Variants in SRSF11 observed in about 807,000 individuals in gnomAD.
SRSF11 encodes serine and arginine rich splicing factor 11, also known as serine/arginine-rich splicing factor 11.
In SRSF11, 9 loss-of-function variants were observed where a neutral mutation model predicts 56.0. That is an observed-to-expected ratio of 0.16 (90% confidence interval 0.10 to 0.28). The LOEUF (loss-of-function observed/expected upper bound fraction) is 0.28. Ranked by LOEUF, SRSF11 falls within the 10% of genes least tolerant of loss-of-function variation. SRSF11 has a pLI of 1.00. For missense variants in SRSF11, 421 were observed against 600.7 expected, an observed-to-expected ratio of 0.70 and a Z score of 3.13; for synonymous variants, 222 against 215.3, an observed-to-expected ratio of 1.03 and a Z score of -0.27.
At chr1:70,245,213 A>AT (rs1558223271) in intron 8 of SRSF11, among the ~76,000 whole-genome samples, 1 of 152,132 alleles carries the variant, frequency 6.6e-6, no homozygotes, top group South Asian at 2.1e-4. Flanking sequence ...ACAGCACTTA[A>AT]TTTTTTTAGC....
chr1:70,213,144 G>A (rs1669719203), intron 1 of SRSF11, among the ~76,000 whole-genome samples: 1 of 152,184 alleles, frequency 6.6e-6, no homozygotes, highest in Admixed American at 6.5e-5. Flanking sequence ...GTGCCTACGT[G>A]TTGGGCACTC....
chr1:70,241,481 A>G (rs1424236687), intron 7 of SRSF11, among the ~76,000 whole-genome samples: 1 of 152,186 alleles, frequency 6.6e-6, no homozygotes, highest in Non-Finnish European at 1.5e-5. Context: ...CAGAAACCCA[A>G]ATACAGATCA....
At chr1:70,237,232 T>C (rs1674321425) in intron 5 of SRSF11, among the ~76,000 whole-genome samples, 193 bp from the exon 6 acceptor site, 1 of 152,244 alleles carries the variant, frequency 6.6e-6, no homozygotes, top group African/African-American at 2.4e-5. Flanking sequence ...CTCTTAGTCA[T>C]TAAAACAAAT....
At chr1:70,241,987 T>C (rs959622104) in intron 7 of SRSF11, among the ~76,000 whole-genome samples, 1 of 151,992 alleles carries the variant, frequency 6.6e-6, no homozygotes, top group African/African-American at 2.4e-5. Context: ...GCCAACATAG[T>C]GAAACCCCGT....
chr1:70,205,703 C>T (rs1206039158), upstream of SRSF11: 1 of 625,254 alleles, frequency 1.6e-6, no homozygotes, highest in Non-Finnish European at 2.6e-6. Flanking sequence ...GTCGTCAGCA[C>T]CAGCGCCTGG....
chr1:70,250,461 A>G lies in SRSF11; in HGVS notation c.1215A>G (p.Glu405=), dbSNP rs1183111612. ...AGAAGAAGAAGAGTAAAGATAAGGA[A>G]AAGGACCGGGAAAGAAAATCAGAGA... ...TSKKKKSKDK[E]KDRERKSESD... The change falls in exon 11 of 12, where the codon GAA becomes GAG. Residue 405 remains glutamate (E), a synonymous_variant. Coordinates refer to ENST00000370949, the MANE Select transcript of SRSF11 (RefSeq NM_001350605.2). 1 of 1,600,406 alleles carries G rather than the reference A, an allele frequency of 6.2e-7. No homozygotes were observed. Among genetic ancestry groups the G allele is most frequent in the African/African-American group, 1.3e-5 (1 of 74,608 alleles).
intron 9 of SRSF11, chr1:70,248,619 G>C (rs1168367790): frequency 1.3e-5 from 2 of 152,094 alleles, no homozygotes; most frequent in East Asian, 3.8e-4. Context: ...AGATAGAAAA[G>C]ATGGAAGGTA....
Position 70,252,218 on chromosome 1 carries a change from T to A in SRSF11, c.*1413T>A, listed in dbSNP as rs1402443651. On this transcript the variant is annotated 3_prime_UTR_variant, in exon 12 of 12. Coordinates refer to ENST00000370949, the MANE Select transcript of SRSF11 (RefSeq NM_001350605.2). ...TCCTTTTCTTAGCTTAGTATCATTT[T>A]ATTGCTTATTTTTTGTGTGGGAATG... 1 of 152,220 alleles carries A rather than the reference T, an allele frequency of 6.6e-6. No homozygotes were observed. Among genetic ancestry groups the A allele is most frequent in the African/African-American group, 2.4e-5 (1 of 41,472 alleles). 9.4% of individuals were successfully genotyped at this position (152,220 alleles called of 1,614,324 possible). A position where few individuals can be genotyped will look rare whatever the true frequency, so the allele number is the denominator to read the frequency against.
Position 70,250,619 on chromosome 1 carries a change from G to C in SRSF11, c.1269G>C (p.Arg423=), listed in dbSNP as rs778459217. 3.1e-6 allele frequency: 5 copies of C among 1,613,734 alleles called. No individual in the cohort carries two copies. In the Admixed American group the frequency reaches 8.3e-5, roughly 27 times the overall value. The stretch of plus-strand genomic sequence containing the variant: ...TCTCCTTGGCAAAGCAGGTTACACG[G>C]GATTATGATGAAGAGGAACAGGGGT... The part of the protein sequence containing the change: ...ESDKDVKQVT[R]DYDEEEQGYD... Residue 423 remains arginine, a synonymous_variant, in exon 12 of 12, where the codon CGG becomes CGC. Coordinates refer to ENST00000370949, the MANE Select transcript of SRSF11 (RefSeq NM_001350605.2).
chr1:70,236,830 A>C (rs1311732843), intron 5 of SRSF11, among the ~76,000 whole-genome samples: 2 of 126,546 alleles, frequency 1.6e-5, no homozygotes, highest in South Asian at 2.5e-4. Flanking sequence ...TTGAGACGAA[A>C]TCTCACTCTG....
At chr1:70,212,699 G>T (rs921371712) in intron 1 of SRSF11, among the ~76,000 whole-genome samples, 3 of 152,138 alleles carry the variant, frequency 2.0e-5, no homozygotes, top group Non-Finnish European at 2.9e-5. Context: ...TGTTTATAGG[G>T]TAGGTTCTTA....
At chr1:70,243,185 G>A (rs996976567) in intron 7 of SRSF11, among the ~76,000 whole-genome samples, 7 of 151,704 alleles carry the variant, frequency 4.6e-5, no homozygotes, top group Non-Finnish European at 1.0e-4. Flanking sequence ...AGTCCCCTCC[G>A]TATATGCAGG....
At chr1:70,231,029 A>G (rs1428620721) in intron 2 of SRSF11, 7 of 1,288,272 alleles carry the variant, frequency 5.4e-6, no homozygotes, top group East Asian at 1.1e-4. Context: ...ACTTCTCAGT[A>G]TAGGTGGAAG....
In SRSF11 at chr1:70,231,694, G is replaced by A. The variant is rs192605577; in HGVS notation, c.338-574G>A. On this transcript the variant is annotated intron_variant, in intron 2 of 11. Transcript: ENST00000370949. ...TTTCATGAGTCAGCAAAAGCCCTAC[G>A]CTTGATTCCAACAGAATATTTCCTT... 2.1e-4 allele frequency: 251 copies of A among 1,190,836 alleles called. No individual in the cohort carries two copies. In the African/African-American group the frequency reaches 3.3e-3, roughly 16 times the overall value. The allele number at this position is 1,190,836 out of a possible 1,614,324, so 73.8% of individuals were successfully genotyped here.
Position 70,232,943 on chromosome 1 carries a change from T to C in SRSF11, c.447+566T>C, listed in dbSNP as rs140831383. Among the ~76,000 whole-genome samples, 3 of 152,330 alleles carry C rather than the reference T, an allele frequency of 2.0e-5. No individual in the cohort carries two copies. In the East Asian group the frequency reaches 5.8e-4, roughly 29 times the overall value. On this transcript the variant is annotated intron_variant, in intron 3 of 11. Coordinates refer to ENST00000370949, the MANE Select transcript of SRSF11 (RefSeq NM_001350605.2). ...CACTTTAAATACTGTGTATTCTAAT[T>C]ACTGAGATTGTAACTGGTCAGTAGT...
Position 70,237,458 on chromosome 1 carries a change from A to G in SRSF11, c.624A>G (p.Pro208=). 6.2e-7 allele frequency: 1 copy of G among 1,613,888 alleles called. No individual in the cohort carries two copies. Among genetic ancestry groups the G allele is most frequent in the Non-Finnish European group, 8.5e-7 (1 of 1,179,998 alleles). ...ATGTAGCTGCTGGTCTCGTTTCACC[A>G]AGTCTGAAATCGGATACCTCTAGTA... ...LNHVAAGLVS[P]SLKSDTSSKE... is the part of the protein sequence containing the mutation. The change falls in exon 6 of 12, where the codon CCA becomes CCG. Residue 208 remains proline, a synonymous_variant. Transcript: ENST00000370949.
chr1:70,207,724 CT>C (rs202160955), intron 1 of SRSF11, among the ~76,000 whole-genome samples: 11,809 of 136,332 alleles, frequency 0.087, 482 homozygotes, highest in South Asian at 0.19. Flanking sequence ...TTCTTTCGTT[CT>C]TTTTTTTTTT....
intron 1 of SRSF11, among the ~76,000 whole-genome samples, chr1:70,207,102 G>A (rs1049885711): frequency 2.6e-5 from 4 of 151,906 alleles, no homozygotes; most frequent in African/African-American, 9.7e-5. Flanking sequence ...ATGTTGGTCA[G>A]GCTGGTCTCG....
At chr1:70,216,425 GTTAT>G (rs980604910), upstream of SRSF11, among the ~76,000 whole-genome samples, 2 of 149,776 alleles carry the variant, frequency 1.3e-5, no homozygotes, top group Admixed American at 6.7e-5. Flanking sequence ...CAAATGATAG[GTTAT>G]TTAACTTTTT....
Sources: allele counts gnomAD v4.1 joint callset (sites outside exome capture counted in the v4.1 genomes callset), GRCh38; gene constraint gnomAD v4.1.1; transcripts MANE v1.5; gene names NCBI Gene and HGNC (gene_info 2026-07-23, HGNC 2026-07-21).